Variants in SGCZ observed in about 807,000 individuals in gnomAD.
SGCZ encodes the protein sarcoglycan zeta, also known as zeta-sarcoglycan.
SGCZ carries 40 observed loss-of-function variants against 41.3 expected under a neutral mutation model. The observed-to-expected ratio is 0.97, with a 90% CI of 0.75 to 1.26. The LOEUF (loss-of-function observed/expected upper bound fraction) is 1.26, where lower values mean the gene tolerates loss of function less well. Ranked by LOEUF, SGCZ falls within the 50% of genes most tolerant of loss-of-function variation. SGCZ has a pLI of 0.00. For missense variants in SGCZ, 552 were observed against 369.8 expected (o/e 1.49, Z -4.04); for synonymous variants, 206 against 137.5 (o/e 1.50, Z -3.49).
rs191852069 is a variant in SGCZ, at chr8:14,359,308, T to C, written c.235-35104A>G. 3.0e-3 allele frequency among the ~76,000 whole-genome samples: 460 copies of C among 152,252 alleles called. 2 individuals are homozygous for C. The highest frequency in any genetic ancestry group is 1.0e-2 in the African/African-American group (414 of 41,534). ...TTGACTTCAACACCCTGTGTTCACA[T>C]TGAGTACACTATCCAGACAGAAAAT... On this transcript the variant is annotated intron_variant, in intron 2 of 7. Transcript: ENST00000382080.
chr8:14,674,700 TCCATCC>T (rs1009878819), intron 1 of SGCZ, among the ~76,000 whole-genome samples: 1 of 151,916 alleles, frequency 6.6e-6, no homozygotes, highest in Non-Finnish European at 1.5e-5. Flanking sequence ...ACGGTTTAGC[TCCATCC>T]CCTTTGTATT....
intron 2 of SGCZ, among the ~76,000 whole-genome samples, chr8:14,372,402 T>A (rs545354287): frequency 1.3e-5 from 2 of 152,292 alleles, no homozygotes; most frequent in African/African-American, 4.8e-5. Flanking sequence ...CTGTGCCAGA[T>A]AATCTTCTAT....
intron 2 of SGCZ, among the ~76,000 whole-genome samples, chr8:14,396,675 C>G (rs888646109): frequency 2.0e-5 from 3 of 151,850 alleles, no homozygotes; most frequent in African/African-American, 7.3e-5. Context: ...TTAAATTCTC[C>G]CTTCAAATTC....
intron 1 of SGCZ, among the ~76,000 whole-genome samples, chr8:15,008,718 A>AGGGGAGGAGG (rs1172605064): frequency 1.6e-5 from 1 of 63,460 alleles, no homozygotes; most frequent in South Asian, 1.1e-3. Flanking sequence ...GGGAGGAGGG[A>AGGGGAGGAGG]GGGGAGGAGG....
chr8:14,564,183 T>C (rs1195137290), intron 1 of SGCZ, among the ~76,000 whole-genome samples: 3 of 152,222 alleles, frequency 2.0e-5, no homozygotes, highest in African/African-American at 7.2e-5. Context: ...CGTGCTGAAA[T>C]AGCAACATGC....
chr8:14,907,521 T>C (rs561204978), intron 1 of SGCZ, among the ~76,000 whole-genome samples: 12 of 152,214 alleles, frequency 7.9e-5, no homozygotes, highest in Admixed American at 2.6e-4. Context: ...GCTTCAACTA[T>C]TGGAGGAGCT....
intron 5 of SGCZ, among the ~76,000 whole-genome samples, chr8:14,156,073 G>C (rs76864912): frequency 0.019 from 2,872 of 152,300 alleles, 84 homozygotes; most frequent in African/African-American, 0.065. Flanking sequence ...TGCTCTGGAT[G>C]AGTCGGTGAG....
At chr8:14,458,491 T>C (rs1190877501) in intron 2 of SGCZ, among the ~76,000 whole-genome samples, 3 of 152,148 alleles carry the variant, frequency 2.0e-5, no homozygotes, top group Non-Finnish European at 1.5e-5. Context: ...GATCTAGGTG[T>C]CTCAATAGTG....
chr8:14,258,338 C>T (rs1799537015), intron 3 of SGCZ, among the ~76,000 whole-genome samples: 1 of 152,024 alleles, frequency 6.6e-6, no homozygotes, highest in Non-Finnish European at 1.5e-5. Flanking sequence ...TGTATTAGTC[C>T]TCTGCACTCT....
At chr8:15,031,234 G>C (rs1803648696) in intron 1 of SGCZ, among the ~76,000 whole-genome samples, 1 of 152,052 alleles carries the variant, frequency 6.6e-6, no homozygotes, top group East Asian at 1.9e-4. Context: ...GGCAGAATAG[G>C]TTTATTCCTA....
chr8:14,172,198 T>A (rs1249218583), intron 4 of SGCZ, among the ~76,000 whole-genome samples: 1 of 152,128 alleles, frequency 6.6e-6, no homozygotes, highest in East Asian at 1.9e-4. Flanking sequence ...AAAGACTTAT[T>A]TTTTGTTCAT....
intron 1 of SGCZ, among the ~76,000 whole-genome samples, chr8:15,063,467 G>A (rs1456058262): frequency 1.3e-5 from 2 of 152,170 alleles, no homozygotes; most frequent in East Asian, 1.9e-4. Flanking sequence ...TCAGAAACTC[G>A]ACTAACAAAT....
intron 2 of SGCZ, among the ~76,000 whole-genome samples, chr8:14,487,117 C>T (rs531819747): frequency 6.6e-6 from 1 of 152,278 alleles, no homozygotes; most frequent in East Asian, 1.9e-4. Context: ...ATAATGGAAT[C>T]ATTTGCCTTT....
At chr8:14,255,092 T>C (rs998102793) in intron 3 of SGCZ, among the ~76,000 whole-genome samples, 4 of 152,124 alleles carry the variant, frequency 2.6e-5, no homozygotes, top group Non-Finnish European at 5.9e-5. Context: ...TAATTCTCTC[T>C]CTCGTCTCCC....
chr8:14,139,486 A>G (rs1053995127), intron 5 of SGCZ, among the ~76,000 whole-genome samples: 15 of 152,222 alleles, frequency 9.9e-5, no homozygotes, highest in Admixed American at 3.3e-4. Flanking sequence ...CATAGATGCA[A>G]TAAAAAATGA....
intron 1 of SGCZ, among the ~76,000 whole-genome samples, chr8:14,813,317 A>C (rs1014366235): frequency 1.9e-4 from 29 of 152,174 alleles, no homozygotes; most frequent in African/African-American, 6.5e-4. Context: ...TCTCTATTTT[A>C]AGAGTTAGAA....
chr8:15,172,052 A>G (rs1485106817), intron 1 of SGCZ, among the ~76,000 whole-genome samples: 10 of 152,124 alleles, frequency 6.6e-5, no homozygotes, highest in African/African-American at 2.4e-4. Flanking sequence ...GAAAAATGCC[A>G]ATTTCTACAC....
intron 2 of SGCZ, among the ~76,000 whole-genome samples, chr8:14,370,341 T>C (rs1803866806): frequency 6.6e-6 from 1 of 151,968 alleles, no homozygotes; most frequent in African/African-American, 2.4e-5. Flanking sequence ...CAGCCTGTAG[T>C]ATATTGCTTT....
At chr8:15,035,411 G>C (rs1447772404) in intron 1 of SGCZ, among the ~76,000 whole-genome samples, 1 of 151,996 alleles carries the variant, frequency 6.6e-6, no homozygotes, top group African/African-American at 2.4e-5. Context: ...AATCACAAAG[G>C]AAAACCATAA....
Sources: allele counts gnomAD v4.1 joint callset (sites outside exome capture counted in the v4.1 genomes callset), GRCh38; gene constraint gnomAD v4.1.1; transcripts MANE v1.5; gene names NCBI Gene and HGNC (gene_info 2026-07-23, HGNC 2026-07-21).